The following SCHIP1 variants were observed in gnomAD, a reference collection of about 807,000 sequenced individuals.
The protein encoded by SCHIP1 is schwannomin interacting protein 1, also known as schwannomin-interacting protein 1.
In SCHIP1, 8 loss-of-function variants were observed where a neutral mutation model predicts 29.7. That is an observed-to-expected ratio of 0.27 (90% confidence interval 0.16 to 0.49). The LOEUF is 0.49. SCHIP1 is among the 20% of genes least tolerant of loss of function. The probability of loss-of-function intolerance (pLI) is 0.99; values close to 1 mark genes in which losing one functional copy is unlikely to be tolerated. For missense variants in SCHIP1, 193 were observed against 294.6 expected (o/e 0.66, Z 2.52); for synonymous variants, 76 against 94.9 (o/e 0.80, Z 1.16).
At chr3:159,329,225 T>C in the SCHIP1 span, among the ~76,000 whole-genome samples, 5 of 151,968 alleles carry the variant, frequency 3.3e-5, no homozygotes, top group Non-Finnish European at 5.9e-5. Flanking sequence ...ACCTAACACA[T>C]ATGCACACAC....
the SCHIP1 span, among the ~76,000 whole-genome samples, chr3:159,386,423 C>T: frequency 1.6e-4 from 25 of 152,102 alleles, no homozygotes; most frequent in Non-Finnish European, 2.1e-4. Context: ...CGTGGATACA[C>T]GCTCATGGAT....
the SCHIP1 span, among the ~76,000 whole-genome samples, chr3:159,335,058 C>A: frequency 6.6e-6 from 1 of 151,990 alleles, no homozygotes; most frequent in Non-Finnish European, 1.5e-5. Flanking sequence ...TGCCACCACA[C>A]CTGGCTAATT....
chr3:159,304,903 C>T, the SCHIP1 span, among the ~76,000 whole-genome samples: 1 of 152,148 alleles, frequency 6.6e-6, no homozygotes, highest in Admixed American at 6.5e-5. Flanking sequence ...AAATCCCTGC[C>T]TCTGTTCCCA....
chr3:159,434,115 T>C, the SCHIP1 span, among the ~76,000 whole-genome samples: 1 of 152,230 alleles, frequency 6.6e-6, no homozygotes, highest in African/African-American at 2.4e-5. Context: ...TCACAATAAA[T>C]GTTTGTGGAT....
the SCHIP1 span, among the ~76,000 whole-genome samples, chr3:159,620,341 A>T: frequency 4.9e-4 from 75 of 152,334 alleles, no homozygotes; most frequent in African/African-American, 1.7e-3. Flanking sequence ...AAAATGGGAA[A>T]CAGGATAAGA....
chr3:159,740,300 A>G, the SCHIP1 span, among the ~76,000 whole-genome samples: 1 of 152,198 alleles, frequency 6.6e-6, no homozygotes, highest in Non-Finnish European at 1.5e-5. Flanking sequence ...CACACTGGTG[A>G]ATGGTTCCAC....
At chr3:159,275,146 A>G in the SCHIP1 span, 1 of 838,366 alleles carries the variant, frequency 1.2e-6, no homozygotes. Context: ...TTTGCTCAAT[A>G]GATCCACTGA....
chr3:159,680,677 TATAATA>T, the SCHIP1 span, among the ~76,000 whole-genome samples: 1 of 83,474 alleles, frequency 1.2e-5, no homozygotes, highest in Non-Finnish European at 2.1e-5. Context: ...ATATTATATA[TATAATA>T]TATGTATATA....
the SCHIP1 span, among the ~76,000 whole-genome samples, chr3:159,807,102 G>C: frequency 2.6e-5 from 4 of 152,164 alleles, no homozygotes. Flanking sequence ...TCACAATTTT[G>C]CTTCAGAGTC....
chr3:159,494,848 AAATCCTC>A, the SCHIP1 span, among the ~76,000 whole-genome samples: 5 of 152,226 alleles, frequency 3.3e-5, no homozygotes, highest in African/African-American at 1.2e-4. Flanking sequence ...ATTGATGCAA[AAATCCTC>A]AATACAATAC....
the SCHIP1 span, among the ~76,000 whole-genome samples, chr3:159,546,413 G>A: frequency 6.6e-6 from 1 of 152,024 alleles, no homozygotes; most frequent in African/African-American, 2.4e-5. Flanking sequence ...TTCCTAGTTT[G>A]CTAAGTTTTT....
the SCHIP1 span, among the ~76,000 whole-genome samples, chr3:159,713,284 G>GAA: frequency 7.0e-6 from 1 of 141,952 alleles, no homozygotes; most frequent in Non-Finnish European, 1.6e-5. Context: ...AAGAAAGAAA[G>GAA]AAAAAAGAAA....
chr3:159,470,074 G>T, the SCHIP1 span, among the ~76,000 whole-genome samples: 1 of 152,010 alleles, frequency 6.6e-6, no homozygotes, highest in Non-Finnish European at 1.5e-5. Flanking sequence ...TGTAAAAAAT[G>T]ATTTTGATAA....
the SCHIP1 span, among the ~76,000 whole-genome samples, chr3:159,560,256 T>C: frequency 2.0e-5 from 3 of 152,280 alleles, no homozygotes; most frequent in African/African-American, 7.2e-5. Context: ...TGTGTGTAAG[T>C]TAAGAATTAT....
the SCHIP1 span, among the ~76,000 whole-genome samples, chr3:159,828,369 A>G: frequency 8.7e-6 from 1 of 115,104 alleles, no homozygotes; most frequent in South Asian, 2.8e-4. Flanking sequence ...CTTTATATAT[A>G]TATATACATA....
the SCHIP1 span, among the ~76,000 whole-genome samples, chr3:159,343,356 A>G: frequency 6.6e-6 from 1 of 152,210 alleles, no homozygotes; most frequent in East Asian, 1.9e-4. Context: ...AAGTCATAAA[A>G]CACTCCAAAC....
At chr3:159,288,096 A>G in the SCHIP1 span, among the ~76,000 whole-genome samples, 1 of 152,142 alleles carries the variant, frequency 6.6e-6, no homozygotes, top group Non-Finnish European at 1.5e-5. Context: ...TTTGAGGTAT[A>G]CTACATGAAG....
chr3:159,589,136 T>C, the SCHIP1 span, among the ~76,000 whole-genome samples: 1 of 152,192 alleles, frequency 6.6e-6, no homozygotes, highest in Non-Finnish European at 1.5e-5. Flanking sequence ...CCTGTTTTAT[T>C]TCGCTGAGCA....
chr3:159,682,094 C>G, the SCHIP1 span, among the ~76,000 whole-genome samples: 2 of 152,188 alleles, frequency 1.3e-5, no homozygotes, highest in Non-Finnish European at 2.9e-5. Context: ...AAGCCCTGTC[C>G]TCAAATGTAT....
Sources: allele counts gnomAD v4.1 joint callset (sites outside exome capture counted in the v4.1 genomes callset), GRCh38; gene constraint gnomAD v4.1.1; transcripts MANE v1.5; gene names NCBI Gene and HGNC (gene_info 2026-07-23, HGNC 2026-07-21).